The following COG6 variants were observed in gnomAD, a reference collection of about 807,000 sequenced individuals.
COG6 encodes component of oligomeric golgi complex 6.
Under a neutral mutation model 88.8 loss-of-function variants are expected in COG6, and 74 were observed. The observed-to-expected ratio is 0.83, with a 90% CI of 0.69 to 1.01. The LOEUF is 1.01. Among genes scored for constraint, COG6 ranks in the 50% least tolerant of loss-of-function variants. The probability of loss-of-function intolerance (pLI) is 0.00; values close to 1 mark genes in which losing one functional copy is unlikely to be tolerated. For missense variants in COG6, 800 were observed against 797.9 expected (o/e 1.00, Z -0.03); for synonymous variants, 286 against 278.7 (o/e 1.03, Z -0.26).
intron 16 of COG6, among the ~76,000 whole-genome samples, chr13:39,723,652 A>G (rs1195853285): frequency 2.0e-5 from 3 of 152,096 alleles, no homozygotes; most frequent in Non-Finnish European, 4.4e-5. Flanking sequence ...TAATACATGC[A>G]TAGTTCTTAG....
intron 13 of COG6, among the ~76,000 whole-genome samples, chr13:39,706,874 G>A (rs34493357): frequency 0.075 from 11,392 of 151,922 alleles, 613 homozygotes; most frequent in Non-Finnish European, 0.11. Context: ...AGTAGAGACA[G>A]GGTTTCACCA....
At chr13:39,659,303 T>G in intron 1 of COG6, 61 bp from the exon 2 acceptor site, 990 of 1,461,348 alleles carry the variant, frequency 6.8e-4, no homozygotes, top group Non-Finnish European at 8.7e-4. Flanking sequence ...CATTTTGTCT[T>G]GAGATTTGAA....
At chr13:39,724,422 A>G in intron 16 of COG6, 86 bp from the exon 17 acceptor site, 1 of 1,052,278 alleles carries the variant, frequency 9.5e-7, no homozygotes, top group East Asian at 2.4e-5. Flanking sequence ...GCAGTGCACT[A>G]ATGAACTATA....
chr13:39,770,089 T>G (rs1258291205), intron 18 of COG6, among the ~76,000 whole-genome samples: 1 of 152,240 alleles, frequency 6.6e-6, no homozygotes, highest in Non-Finnish European at 1.5e-5. Flanking sequence ...CAAAGAAAAT[T>G]AGAAATCAAT....
exon 19 of COG6, chr13:39,790,444 A>G (rs891942647): frequency 1.3e-5 from 2 of 152,096 alleles, no homozygotes; most frequent in Admixed American, 1.3e-4. Context: ...TGATCTTTCT[A>G]CTATTCACAA....
chr13:39,765,125 A>T (rs1881127182), intron 18 of COG6, among the ~76,000 whole-genome samples: 1 of 147,122 alleles, frequency 6.8e-6, no homozygotes, highest in South Asian at 2.3e-4. Context: ...GTTTTTAGCA[A>T]GGAAATAAGG....
At chr13:39,702,449 A>T (rs1566186500) in intron 13 of COG6, among the ~76,000 whole-genome samples, 1 of 152,018 alleles carries the variant, frequency 6.6e-6, no homozygotes, top group Non-Finnish European at 1.5e-5. Flanking sequence ...TGAATATAAG[A>T]ATGTTTCAGT....
chr13:39,747,831 C>T (rs1334599698), intron 18 of COG6, among the ~76,000 whole-genome samples: 1 of 152,074 alleles, frequency 6.6e-6, no homozygotes, highest in African/African-American at 2.4e-5. Flanking sequence ...ATCACTGTTA[C>T]TTGAAAATGA....
intron 15 of COG6, among the ~76,000 whole-genome samples, chr13:39,720,343 A>G (rs1298637960): frequency 6.6e-6 from 1 of 152,102 alleles, no homozygotes; most frequent in Non-Finnish European, 1.5e-5. Flanking sequence ...ATCACTTAAG[A>G]GAGTATATGA....
chr13:39,690,923 C>T (rs1435207104), intron 11 of COG6, among the ~76,000 whole-genome samples: 1 of 151,670 alleles, frequency 6.6e-6, no homozygotes, highest in Non-Finnish European at 1.5e-5. Context: ...CTGGCAGTTA[C>T]TGGAAAGGTA....
intron 8 of COG6, among the ~76,000 whole-genome samples, chr13:39,684,497 G>A (rs963499861): frequency 6.6e-6 from 1 of 151,762 alleles, no homozygotes; most frequent in East Asian, 1.9e-4. Context: ...TGATCCACCC[G>A]CCTCGGCCTC....
chr13:39,767,213 C>T (rs1244661413), intron 18 of COG6, among the ~76,000 whole-genome samples: 3 of 152,164 alleles, frequency 2.0e-5, no homozygotes, highest in African/African-American at 7.2e-5. Context: ...CTTTCTACAA[C>T]AGAAAAGAAA....
At chr13:39,775,237 C>T (rs150691912) in intron 18 of COG6, among the ~76,000 whole-genome samples, 34 of 151,152 alleles carry the variant, frequency 2.2e-4, no homozygotes, top group African/African-American at 7.0e-4. Flanking sequence ...TCAGTTTCCT[C>T]ATTGGTCAGA....
chr13:39,745,376 A>C (rs1880285942), intron 18 of COG6, among the ~76,000 whole-genome samples: 1 of 152,210 alleles, frequency 6.6e-6, no homozygotes, highest in African/African-American at 2.4e-5. Context: ...ATCTACAAAG[A>C]ACTTAAACAA....
intron 18 of COG6, among the ~76,000 whole-genome samples, chr13:39,787,267 C>T (rs539822566): frequency 1.4e-4 from 22 of 152,210 alleles, no homozygotes; most frequent in African/African-American, 5.3e-4. Flanking sequence ...GCACTGCCTG[C>T]CAAGAAGATG....
At chr13:39,706,924 T>C (rs1378916548) in intron 13 of COG6, among the ~76,000 whole-genome samples, 1 of 151,994 alleles carries the variant, frequency 6.6e-6, no homozygotes, top group East Asian at 1.9e-4. Flanking sequence ...TCTCAAGCAA[T>C]CCACCCACCT....
At chr13:39,766,550 C>G (rs998509494) in intron 18 of COG6, among the ~76,000 whole-genome samples, 1 of 152,144 alleles carries the variant, frequency 6.6e-6, no homozygotes, top group African/African-American at 2.4e-5. Flanking sequence ...CCCTCCTAAC[C>G]CCATCCCATA....
chr13:39,739,134 A>T (rs1052503621), intron 18 of COG6, among the ~76,000 whole-genome samples: 7 of 152,134 alleles, frequency 4.6e-5, no homozygotes, highest in African/African-American at 1.4e-4. Context: ...CAAAAAAGGA[A>T]ATAAGAAATC....
At chr13:39,747,486 C>T (rs771460263) in intron 18 of COG6, among the ~76,000 whole-genome samples, 2 of 152,182 alleles carry the variant, frequency 1.3e-5, no homozygotes, top group Middle Eastern at 3.4e-3. Context: ...TTTTATCCAG[C>T]GGCTTTGCTT....
Sources: allele counts gnomAD v4.1 joint callset (sites outside exome capture counted in the v4.1 genomes callset), GRCh38; gene constraint gnomAD v4.1.1; transcripts MANE v1.5; gene names NCBI Gene and HGNC (gene_info 2026-07-23, HGNC 2026-07-21).